PRKCE: variants seen among roughly 807,000 people sequenced by gnomAD.
PRKCE encodes the protein protein kinase C epsilon.
Under a neutral mutation model 85.4 loss-of-function variants are expected in PRKCE, and 16 were observed. The observed-to-expected ratio is 0.19, with a 90% CI of 0.13 to 0.28. PRKCE has a LOEUF of 0.28. PRKCE is among the 10% of genes least tolerant of loss of function. The pLI is 1.00. For missense variants in PRKCE, 573 were observed against 975.2 expected (o/e 0.59, Z 5.49); for synonymous variants, 388 against 371.5 (o/e 1.04, Z -0.51).
intron 9 of PRKCE, among the ~76,000 whole-genome samples, chr2:46,007,917 G>C (rs1413479581): frequency 2.0e-5 from 3 of 152,200 alleles, no homozygotes. Context: ...ATGGGGACAG[G>C]AATCAAGTGA....
chr2:45,953,366 T>G (rs2711294), intron 2 of PRKCE, among the ~76,000 whole-genome samples: 55 of 152,336 alleles, frequency 3.6e-4, no homozygotes, highest in Non-Finnish European at 7.3e-4. Flanking sequence ...TCTCCATTAC[T>G]GGACTCCCTG....
At chr2:46,026,319 C>T (rs184585546) in intron 10 of PRKCE, among the ~76,000 whole-genome samples, 12 of 152,242 alleles carry the variant, frequency 7.9e-5, no homozygotes, top group African/African-American at 2.9e-4. Flanking sequence ...TCTCAATTCT[C>T]TAGAATGGGA....
rs1237434490 is a variant in PRKCE, at chr2:45,651,907, C to T, written c.-194C>T. ...CCCCCTCCCTGTTTTCCGTTAGGAA[C>T]CCGGCGAGGAAATACATGCACTGGC... On this transcript the variant is annotated 5_prime_UTR_variant, in exon 1 of 15. Transcript: ENST00000306156. 6.0e-6 allele frequency: 3 copies of T among 501,972 alleles called. No individual in the cohort carries two copies. Among genetic ancestry groups the T allele is most frequent in the African/African-American group, 5.8e-5 (3 of 51,950 alleles). The allele number at this position is 501,972 out of a possible 1,614,324, so 31.1% of individuals were successfully genotyped here.
chr2:45,993,964 A>G (rs572218908), intron 6 of PRKCE, among the ~76,000 whole-genome samples: 6 of 152,116 alleles, frequency 3.9e-5, no homozygotes, highest in South Asian at 2.1e-4. Flanking sequence ...CTTTAGCCCA[A>G]TGGGCATCTT....
chr2:46,115,115 C>T (rs956706583), intron 11 of PRKCE, among the ~76,000 whole-genome samples: 36 of 152,222 alleles, frequency 2.4e-4, no homozygotes, highest in Middle Eastern at 3.4e-3. Context: ...CACAGTGTAG[C>T]GCAACCGTCA....
chr2:45,661,783 C>T (rs1439769103), intron 1 of PRKCE, among the ~76,000 whole-genome samples: 1 of 151,744 alleles, frequency 6.6e-6, no homozygotes, highest in Non-Finnish European at 1.5e-5. Context: ...TCATGATCCA[C>T]CCGCCTTGGC....
intron 7 of PRKCE, among the ~76,000 whole-genome samples, chr2:46,002,158 C>T (rs1244303006): frequency 6.6e-6 from 1 of 152,188 alleles, no homozygotes; most frequent in African/African-American, 2.4e-5. Context: ...AGTCAGGGCC[C>T]ACAGATGTAA....
intron 11 of PRKCE, among the ~76,000 whole-genome samples, chr2:46,126,933 G>A (rs192856600): frequency 1.1e-4 from 16 of 152,314 alleles, no homozygotes; most frequent in African/African-American, 2.6e-4. Context: ...AAGACCCAAC[G>A]TTAACAGACT....
intron 2 of PRKCE, among the ~76,000 whole-genome samples, chr2:45,923,567 A>T (rs534805618): frequency 6.6e-6 from 1 of 152,232 alleles, no homozygotes; most frequent in African/African-American, 2.4e-5. Context: ...AGGTGTGTTT[A>T]TCACCTCAGC....
At chr2:45,848,287 A>G (rs1332892524) in intron 2 of PRKCE, among the ~76,000 whole-genome samples, 1 of 151,754 alleles carries the variant, frequency 6.6e-6, no homozygotes, top group Non-Finnish European at 1.5e-5. Context: ...CCATTCATTC[A>G]AATGACCAAT....
intron 10 of PRKCE, chr2:46,078,295 G>A (rs1668728812): frequency 6.6e-6 from 1 of 151,386 alleles, no homozygotes; most frequent in Admixed American, 6.6e-5. Flanking sequence ...ATAAGAGGCT[G>A]AGGCAGGAGG....
chr2:45,661,523 GTTTTTTGTTT>G (rs1675648953), intron 1 of PRKCE, among the ~76,000 whole-genome samples: 2 of 96,656 alleles, frequency 2.1e-5, no homozygotes, highest in African/African-American at 7.7e-5. Context: ...TTTGTTTTTT[GTTTTTTGTTT>G]TTTTTTTTTT....
chr2:46,150,991 C>G (rs756210855), intron 12 of PRKCE, 50 bp from the exon 13 acceptor site: 4 of 1,537,664 alleles, frequency 2.6e-6, no homozygotes, highest in East Asian at 4.6e-5. Context: ...ACGGGTGTCA[C>G]TGGGGTGGGA....
chr2:45,761,293 C>G lies in PRKCE; in HGVS notation c.349-81707C>G, dbSNP rs1349392852. On this transcript the variant is annotated intron_variant, in intron 1 of 14. Coordinates refer to ENST00000306156, the MANE Select transcript of PRKCE (RefSeq NM_005400.3). ...AGTAAGCCGAGATCACACCACTGCA[C>G]TCCAGCCTGGGCGACAGAGCGAGAC... Among the ~76,000 whole-genome samples the G allele has an allele frequency of 2.1e-5, 3 of 142,992 alleles. No homozygotes were observed. The Admixed American group carries it at 2.2e-4, about 10-fold the overall frequency. The allele number at this position is 142,992 out of a possible 152,430, so 93.8% of individuals were successfully genotyped here.
intron 1 of PRKCE, among the ~76,000 whole-genome samples, chr2:45,731,267 C>T (rs1681549805): frequency 6.6e-6 from 1 of 152,216 alleles, no homozygotes; most frequent in South Asian, 2.1e-4. Flanking sequence ...AACTCAGCCT[C>T]TTGGGCTCAG....
chr2:45,703,374 A>T (rs114933896), intron 1 of PRKCE, among the ~76,000 whole-genome samples: 1,674 of 152,088 alleles, frequency 0.011, 38 homozygotes, highest in African/African-American at 0.039. Flanking sequence ...CATCTCTAAA[A>T]ATAATTTGAA....
Position 46,151,247 on chromosome 2 carries a change from AC to A in PRKCE, c.1920+21del. 6.3e-7 allele frequency: 1 copy of A among 1,583,206 alleles called. No homozygotes were observed. The highest frequency in any genetic ancestry group is 8.5e-7 in the Non-Finnish European group (1 of 1,170,512). Reference sequence around the variant, plus strand: ...TGAAAGCTGTGAGTCACTGCCCCTCACCCATGGCTGTGCTCTCCTGGGCTCC... The same window carrying A: ...TGAAAGCTGTGAGTCACTGCCCCTCACCATGGCTGTGCTCTCCTGGGCTCC... On this transcript the variant is annotated intron_variant, in intron 13 of 14. Transcript: ENST00000306156.
At chr2:45,811,725 G>A (rs889064746) in intron 1 of PRKCE, among the ~76,000 whole-genome samples, 3 of 152,122 alleles carry the variant, frequency 2.0e-5, no homozygotes, top group Non-Finnish European at 4.4e-5. Flanking sequence ...GGGAACCTTG[G>A]AGAAACTGGA....
chr2:45,984,447 A>C, intron 5 of PRKCE, 104 bp from the exon 6 acceptor site: 2 of 1,504,264 alleles, frequency 1.3e-6, no homozygotes, highest in Non-Finnish European at 1.8e-6. Context: ...GCCACCTACA[A>C]TGACACAAGC....
Sources: allele counts gnomAD v4.1 joint callset (sites outside exome capture counted in the v4.1 genomes callset), GRCh38; gene constraint gnomAD v4.1.1; transcripts MANE v1.5; gene names NCBI Gene and HGNC (gene_info 2026-07-23, HGNC 2026-07-21).